PIK3R5: variants seen among roughly 807,000 people sequenced by gnomAD.
PIK3R5 encodes the protein phosphoinositide-3-kinase regulatory subunit 5, also known as phosphoinositide 3-kinase regulatory subunit 5.
A neutral mutation model predicts 94.9 loss-of-function variants in PIK3R5; 32 were observed. That is an observed-to-expected ratio of 0.34 (90% confidence interval 0.25 to 0.45). The LOEUF is 0.45. Among genes scored for constraint, PIK3R5 ranks in the 20% least tolerant of loss-of-function variants. The pLI, the probability that PIK3R5 is intolerant of heterozygous loss-of-function variation, is 1.00. For synonymous variants in PIK3R5, 443 were observed against 479.4 expected (o/e 0.92, Z 0.99); for missense variants, 853 against 1,144.6 (o/e 0.75, Z 3.68).
chr17:8,936,487 C>T (rs2151449095), intron 1 of PIK3R5, among the ~76,000 whole-genome samples: 1 of 152,296 alleles, frequency 6.6e-6, no homozygotes, highest in South Asian at 2.1e-4. Flanking sequence ...TTTTCCAGGA[C>T]ATCACATAGT....
At position 8,904,958 on chromosome 17, in the gene PIK3R5, A is replaced by C; in HGVS notation, c.274-43T>G. 6.3e-7 allele frequency: 1 copy of C among 1,599,016 alleles called. No individual in the cohort carries two copies. Among genetic ancestry groups the C allele is most frequent in the Non-Finnish European group, 8.5e-7 (1 of 1,174,342 alleles). On this transcript the variant is annotated intron_variant, in intron 4 of 18. Transcript: ENST00000447110. This position sits in a 1 kb window ranked among gnomAD's most constrained non-coding sequence, Gnocchi z 5.1. ...AACAAGCAAAGAGATCTAGGTGAGAAAAGGCTCAGATAGTCCCAGACAGCT... is the reference window on the plus strand; with the variant it reads ...AACAAGCAAAGAGATCTAGGTGAGACAAGGCTCAGATAGTCCCAGACAGCT...
At chr17:8,885,886 C>A (rs868352823) in intron 14 of PIK3R5, among the ~76,000 whole-genome samples, 14 of 104,540 alleles carry the variant, frequency 1.3e-4, no homozygotes, top group Non-Finnish European at 2.1e-4. Context: ...CCCTGCCTCC[C>A]GGTAACCCTG....
intron 14 of PIK3R5, among the ~76,000 whole-genome samples, chr17:8,885,500 C>A (rs2089806577): frequency 6.8e-6 from 1 of 146,694 alleles, no homozygotes; most frequent in East Asian, 2.0e-4. Context: ...CCCCAGGGCC[C>A]CGCCTCCTGG....
At chr17:8,958,616 C>A (rs2091503646) in intron 1 of PIK3R5, among the ~76,000 whole-genome samples, 2 of 152,310 alleles carry the variant, frequency 1.3e-5, no homozygotes, top group African/African-American at 4.8e-5. Flanking sequence ...ATCAGAGAAA[C>A]AAAGCCCCAA....
At chr17:8,942,190 G>A (rs1420174836) in intron 1 of PIK3R5, among the ~76,000 whole-genome samples, 1 of 152,090 alleles carries the variant, frequency 6.6e-6, no homozygotes, top group Non-Finnish European at 1.5e-5. Context: ...AGAGGGAAGG[G>A]CAGACCCTCG....
rs2091049727 is a variant in PIK3R5, at chr17:8,935,121, C to T, written c.-13-23614G>A. On this transcript the variant is annotated intron_variant, in intron 1 of 18. Transcript: ENST00000447110. The surrounding 1 kb of genome is among the most constrained non-coding windows in gnomAD (Gnocchi z 4.5). The stretch of plus-strand genomic sequence containing the variant: ...ACCTCCAGGCTTGGCTGGATGTCCA[C>T]CCCCACCCTTTCAGCTCCCAGAGCA... Among the ~76,000 whole-genome samples, 1 of 152,148 alleles carries T rather than the reference C, an allele frequency of 6.6e-6. No homozygotes were observed. The highest frequency in any genetic ancestry group is 6.5e-5 in the Admixed American group (1 of 15,268).
At chr17:8,943,063 CCTTTTT>C (rs1270317396) in intron 1 of PIK3R5, among the ~76,000 whole-genome samples, 1 of 151,432 alleles carries the variant, frequency 6.6e-6, no homozygotes, top group African/African-American at 2.4e-5. Flanking sequence ...TCAGCTTGAA[CCTTTTT>C]CTTTTTCTTT....
chr17:8,959,884 C>G (rs77327256), intron 1 of PIK3R5, among the ~76,000 whole-genome samples: 7 of 152,150 alleles, frequency 4.6e-5, no homozygotes, highest in African/African-American at 1.4e-4. Flanking sequence ...GCAAAAAATA[C>G]GGTGGAGTTT....
rs772432824 is a variant in PIK3R5, at chr17:8,890,726, C to T, written c.657+12G>A. ...AGGTGCTCCACCAGAGCCCCAGGCC[C>T]CAGGTACATACCTGTAGCCTGCAGT... On this transcript the variant is annotated intron_variant, in intron 7 of 18. Transcript: ENST00000447110. This position sits in a 1 kb window ranked among gnomAD's most constrained non-coding sequence, Gnocchi z 6.1. The T allele has an allele frequency of 5.6e-5, 89 of 1,599,078 alleles. No individual in the cohort carries two copies. The highest frequency in any genetic ancestry group is 7.4e-5 in the Non-Finnish European group (87 of 1,172,860).
rs1410085869 is a variant in PIK3R5, at chr17:8,892,212, G to A, written c.483-1300C>T. ...GGGGACGTCGGTGCCCGGGGACAGG[G>A]CAGAGACAGGACTAGTCTCTGTCAA... On this transcript the variant is annotated intron_variant, in intron 6 of 18. Transcript: ENST00000447110. This position sits in a 1 kb window ranked among gnomAD's most constrained non-coding sequence, Gnocchi z 4.3. Among the ~76,000 whole-genome samples, 1 of 152,116 alleles carries A rather than the reference G, an allele frequency of 6.6e-6. No homozygotes were observed. Among genetic ancestry groups the A allele is most frequent in the East Asian group, 1.9e-4 (1 of 5,186 alleles).
At chr17:8,936,302 CACTCTTTGT>C (rs1447967032) in intron 1 of PIK3R5, among the ~76,000 whole-genome samples, 1 of 152,152 alleles carries the variant, frequency 6.6e-6, no homozygotes, top group African/African-American at 2.4e-5. Context: ...CGTTAGGGTG[CACTCTTTGT>C]GTTGTACAAT....
At chr17:8,908,410 A>C (rs1388563821) in intron 3 of PIK3R5, among the ~76,000 whole-genome samples, 2 of 152,162 alleles carry the variant, frequency 1.3e-5, no homozygotes, top group African/African-American at 4.8e-5. Context: ...ATGATGAAGG[A>C]AAAAACTACC....
chr17:8,930,605 A>C (rs2090970939), intron 1 of PIK3R5, among the ~76,000 whole-genome samples: 1 of 152,190 alleles, frequency 6.6e-6, no homozygotes, highest in South Asian at 2.1e-4. Flanking sequence ...ATGGCCAAAA[A>C]CTGAAAACAA....
intron 5 of PIK3R5, among the ~76,000 whole-genome samples, chr17:8,895,631 C>G (rs760029639): frequency 7.9e-5 from 12 of 152,216 alleles, no homozygotes; most frequent in Non-Finnish European, 1.6e-4. Flanking sequence ...CTCCTCTTGT[C>G]TCTAGGATGA....
rs895082015 is a variant in PIK3R5, at chr17:8,882,860, G to A, written c.2206-979C>T. Among the ~76,000 whole-genome samples, 1 of 147,406 alleles carries A rather than the reference G, an allele frequency of 6.8e-6. No individual in the cohort carries two copies. Among genetic ancestry groups the A allele is most frequent in the Admixed American group, 6.6e-5 (1 of 15,104 alleles). On this transcript the variant is annotated intron_variant, in intron 15 of 18. Coordinates refer to ENST00000447110, the MANE Select transcript of PIK3R5 (RefSeq NM_001142633.3). This position sits in a 1 kb window ranked among gnomAD's most constrained non-coding sequence, Gnocchi z 4.1. ...TTCCAGCTCTGCCACCACTACCCTA[G>A]TGCAGGCTGCTGCCCTAATTTCTCT...
intron 1 of PIK3R5, among the ~76,000 whole-genome samples, chr17:8,958,228 T>G (rs2091496044): frequency 1.3e-5 from 2 of 151,278 alleles, no homozygotes; most frequent in South Asian, 4.2e-4. Context: ...GAGAATTGTT[T>G]GAACCTGGCA....
intron 1 of PIK3R5, among the ~76,000 whole-genome samples, chr17:8,938,536 A>C (rs961668807): frequency 2.6e-5 from 4 of 152,012 alleles, no homozygotes; most frequent in Non-Finnish European, 5.9e-5. Flanking sequence ...ATCACTCTCC[A>C]TTCTCCCTCC....
At chr17:8,905,855 A>G (rs1775015028) in intron 3 of PIK3R5, 118 bp from the exon 4 acceptor site, 1 of 495,736 alleles carries the variant, frequency 2.0e-6, no homozygotes, top group Non-Finnish European at 3.5e-6. Flanking sequence ...TTTAGGGGAA[A>G]ATAGTGCAAT....
In PIK3R5 at chr17:8,935,782, TGGTG is replaced by T. The variant is rs2091061977; in HGVS notation, c.-13-24279_-13-24276del. 6.6e-6 allele frequency among the ~76,000 whole-genome samples: 1 copy of T among 152,020 alleles called. No individual in the cohort carries two copies. The highest frequency in any genetic ancestry group is 1.5e-5 in the Non-Finnish European group (1 of 67,988). On this transcript the variant is annotated intron_variant, in intron 1 of 18. Transcript: ENST00000447110. This position sits in a 1 kb window ranked among gnomAD's most constrained non-coding sequence, Gnocchi z 4.5. ...CAACATAAGAAGACAAGGCCACGCATGGTGGCTCACGCTTGTAATCCCAGCACTT... is the reference window on the plus strand; with the variant it reads ...CAACATAAGAAGACAAGGCCACGCATGCTCACGCTTGTAATCCCAGCACTT...
Sources: gnomAD v4.1 joint callset for allele counts (sites outside exome capture counted in the v4.1 genomes callset) on GRCh38, gnomAD v4.1.1 for gene constraint, Gnocchi (gnomAD v3.1) non-coding constraint, MANE v1.5 for transcripts, NCBI Gene and HGNC (gene_info 2026-07-23, HGNC 2026-07-21) for gene names.